The following PAX2 variants were observed in gnomAD, a reference collection of about 807,000 sequenced individuals.
The protein encoded by PAX2 is paired box protein Pax-2.
PAX2 carries 9 observed loss-of-function variants against 41.7 expected under a neutral mutation model. The ratio of observed to expected loss-of-function variants is 0.22; its 90% CI spans 0.13 to 0.38. PAX2 has a LOEUF of 0.38. Ranked by LOEUF, PAX2 falls within the 10% of genes least tolerant of loss-of-function variation. The pLI, the probability that PAX2 is intolerant of heterozygous loss-of-function variation, is 1.00. For missense variants in PAX2, 418 were observed against 531.6 expected (o/e 0.79, Z 2.10); for synonymous variants, 221 against 212.7 (o/e 1.04, Z -0.34).
At chr10:100,825,133 C>T in intron 8 of PAX2, 1 of 727,796 alleles carries the variant, frequency 1.4e-6, no homozygotes, top group Non-Finnish European at 2.4e-6. Flanking sequence ...AACTTGGAGC[C>T]AAGAACCATT....
intron 3 of PAX2, among the ~76,000 whole-genome samples, chr10:100,776,834 C>T (rs1298255670): frequency 6.6e-6 from 1 of 152,206 alleles, no homozygotes; most frequent in Non-Finnish European, 1.5e-5. Flanking sequence ...AGTTGGTTGC[C>T]AAACTCTGAC....
rs1848570543 is a variant in PAX2, at chr10:100,826,451, G to A, written c.1022-558G>A. Among the ~76,000 whole-genome samples, 2 of 152,196 alleles carry A rather than the reference G, an allele frequency of 1.3e-5. No individual in the cohort carries two copies. ...TCCACCTGCGCCGCCTCCATCCCCT[G>A]CCGCGTAGCCCACGCATCCAACCTC... On this transcript the variant is annotated intron_variant, in intron 8 of 9. Transcript: ENST00000355243. This position sits in a 1 kb window ranked among gnomAD's most constrained non-coding sequence, Gnocchi z 5.5.
intron 3 of PAX2, among the ~76,000 whole-genome samples, chr10:100,752,421 A>G (rs1461540798): frequency 6.6e-6 from 1 of 152,192 alleles, no homozygotes; most frequent in East Asian, 1.9e-4. Context: ...CTTTGGGCTG[A>G]GGCAAGAGTG....
intron 1 of PAX2, chr10:100,747,485 T>C (rs1589807911): frequency 2.9e-6 from 1 of 346,336 alleles, no homozygotes; most frequent in Admixed American, 6.5e-5. Context: ...GCAGGCTTTT[T>C]TTTTTAAAAG....
intron 3 of PAX2, among the ~76,000 whole-genome samples, chr10:100,772,780 T>C (rs1846260534): frequency 1.3e-5 from 2 of 152,244 alleles, no homozygotes; most frequent in Non-Finnish European, 2.9e-5. Context: ...CCTGGTCATG[T>C]CACTGGTTTG....
chr10:100,779,033 T>C (rs1228728787), intron 3 of PAX2, among the ~76,000 whole-genome samples: 1 of 152,102 alleles, frequency 6.6e-6, no homozygotes, highest in Non-Finnish European at 1.5e-5. Context: ...CTCTCAACTC[T>C]GAAGGACTGT....
At chr10:100,818,425 G>A (rs1265536016) in intron 7 of PAX2, among the ~76,000 whole-genome samples, 1 of 152,136 alleles carries the variant, frequency 6.6e-6, no homozygotes, top group Non-Finnish European at 1.5e-5. Flanking sequence ...GTATCATCCT[G>A]TTTATTGATA....
At chr10:100,787,257 TG>T (rs548126843) in intron 5 of PAX2, among the ~76,000 whole-genome samples, 1,577 of 152,094 alleles carry the variant, frequency 0.01, 28 homozygotes, top group African/African-American at 0.035. Flanking sequence ...ACTCAGTGGA[TG>T]GGGGGTCACT....
At chr10:100,781,502 C>G (rs1240657926) in intron 5 of PAX2, 137 bp downstream of exon 5, 2 of 902,512 alleles carry the variant, frequency 2.2e-6, no homozygotes, top group Non-Finnish European at 3.7e-6. Flanking sequence ...CCCCCACTGC[C>G]CTGCTGGCTC....
chr10:100,819,907 G>A (rs762148393), intron 7 of PAX2, among the ~76,000 whole-genome samples: 17 of 152,222 alleles, frequency 1.1e-4, no homozygotes, highest in Non-Finnish European at 2.5e-4. Flanking sequence ...AATGTCTGAC[G>A]AAAGTGCACT....
chr10:100,825,068 A>G (rs1589907209), intron 8 of PAX2: 8 of 1,040,624 alleles, frequency 7.7e-6, no homozygotes, highest in Non-Finnish European at 1.1e-5. Flanking sequence ...CTCAGTGCCC[A>G]GCCCACCCCA....
rs539386886 is a variant in PAX2 at position 100,750,466 on chromosome 10, C to T, written c.213-228C>T. Among the ~76,000 whole-genome samples the T allele has an allele frequency of 2.0e-5, 3 of 152,312 alleles. No homozygotes were observed. The South Asian group carries it at 6.2e-4, about 32-fold the overall frequency. The stretch of plus-strand genomic sequence containing the variant: ...CTATTTGGGCTGGTGCGAACCCAGC[C>T]CCTGGTGTGGCCGTCTCCCTGGAGG... On this transcript the variant is annotated intron_variant, in intron 2 of 9. Coordinates refer to ENST00000355243, the MANE Select transcript of PAX2 (RefSeq NM_000278.5). The surrounding 1 kb of genome is among the most constrained non-coding windows in gnomAD (Gnocchi z 4.1).
chr10:100,745,161 C>T (rs1021736528), upstream of PAX2, among the ~76,000 whole-genome samples: 3 of 152,196 alleles, frequency 2.0e-5, no homozygotes, highest in African/African-American at 7.2e-5. Flanking sequence ...AGCCCGGCTT[C>T]ACAGCGCAGC....
chr10:100,761,311 C>T (rs1845835673), intron 3 of PAX2, among the ~76,000 whole-genome samples: 4 of 152,068 alleles, frequency 2.6e-5, no homozygotes, highest in African/African-American at 9.7e-5. Flanking sequence ...AGAAACAATG[C>T]TCACCTGCGC....
chr10:100,795,043 A>G (rs1424693075), intron 5 of PAX2, among the ~76,000 whole-genome samples: 2 of 152,186 alleles, frequency 1.3e-5, no homozygotes, highest in Non-Finnish European at 2.9e-5. Context: ...TGGCCCACCA[A>G]TGGGGACCTC....
chr10:100,749,698 G>T (rs116664440), intron 1 of PAX2, 48 bp from the exon 2 acceptor site: 5 of 1,587,556 alleles, frequency 3.1e-6, no homozygotes, highest in Non-Finnish European at 4.3e-6. Flanking sequence ...CTAATGGCCG[G>T]TCCCTGCTGT....
At chr10:100,784,250 C>T (rs1307137017) in intron 5 of PAX2, among the ~76,000 whole-genome samples, 1 of 152,260 alleles carries the variant, frequency 6.6e-6, no homozygotes, top group African/African-American at 2.4e-5. Flanking sequence ...AGGCCAGTCA[C>T]AGAAGGCAGC....
rs142104045 is a variant in PAX2 at position 100,784,594 on chromosome 10, T to C, written c.616+3229T>C. 5.3e-3 allele frequency among the ~76,000 whole-genome samples: 804 copies of C among 152,338 alleles called. 11 individuals are homozygous for C. The highest frequency in any genetic ancestry group is 0.018 in the African/African-American group (767 of 41,588). ...TCGGCCTATTCTTCAGCTCTAACAATGTCACGGTGATGGGCATTAGTGAGG... is the reference window on the plus strand; with the variant it reads ...TCGGCCTATTCTTCAGCTCTAACAACGTCACGGTGATGGGCATTAGTGAGG... On this transcript the variant is annotated intron_variant, in intron 5 of 9. Transcript: ENST00000355243.
At chr10:100,818,667 C>CA (rs1387349849) in intron 7 of PAX2, among the ~76,000 whole-genome samples, 1 of 152,140 alleles carries the variant, frequency 6.6e-6, no homozygotes, top group African/African-American at 2.4e-5. Flanking sequence ...CAGTTAACCC[C>CA]AATTTAAAAC....
Sources: allele counts gnomAD v4.1 joint callset (sites outside exome capture counted in the v4.1 genomes callset), GRCh38; gene constraint gnomAD v4.1.1; non-coding constraint Gnocchi (gnomAD v3.1); transcripts MANE v1.5; gene names NCBI Gene and HGNC (gene_info 2026-07-23, HGNC 2026-07-21).